PTPDC1: variants seen among roughly 807,000 people sequenced by gnomAD.
PTPDC1 encodes protein tyrosine phosphatase domain containing 1, also known as protein tyrosine phosphatase domain-containing protein 1.
Under a neutral mutation model 75.3 loss-of-function variants are expected in PTPDC1, and 53 were observed. The observed-to-expected ratio is 0.70, with a 90% confidence interval of 0.56 to 0.88. The LOEUF is 0.88. PTPDC1 is among the 40% of genes least tolerant of loss of function. The pLI is 0.00. For synonymous variants in PTPDC1, 349 were observed against 366.2 expected (o/e 0.95, Z 0.54); for missense variants, 925 against 998.6 (o/e 0.93, Z 0.99).
chr9:94,054,409 G>A (rs1825872665), intron 1 of PTPDC1, among the ~76,000 whole-genome samples: 1 of 150,774 alleles, frequency 6.6e-6, no homozygotes. Flanking sequence ...TAGGTACTAA[G>A]TCTCAGAGAT....
rs367603230 is a variant in PTPDC1 at position 94,098,612 on chromosome 9, G to C, written c.2013+33G>C. ...TAGTACTTAATTTAATTATAGATATGTGGGAAATATTTATGTCAGGGCAAA... is the reference window on the plus strand; with the variant it reads ...TAGTACTTAATTTAATTATAGATATCTGGGAAATATTTATGTCAGGGCAAA... On this transcript the variant is annotated intron_variant, in intron 6 of 8. Coordinates refer to ENST00000620992, the MANE Select transcript of PTPDC1 (RefSeq NM_001253829.2). The C allele has an allele frequency of 2.6e-6, 4 of 1,533,048 alleles. No individual in the cohort carries two copies. The Admixed American group carries it at 5.0e-5, about 19-fold the overall frequency. The allele number at this position is 1,533,048 out of a possible 1,614,324, so 95.0% of individuals were successfully genotyped here. A position where few individuals can be genotyped will look rare whatever the true frequency, so the allele number is the denominator to read the frequency against.
chr9:94,094,860 C>T (rs1827492307), intron 4 of PTPDC1, among the ~76,000 whole-genome samples: 2 of 152,252 alleles, frequency 1.3e-5, no homozygotes, highest in Admixed American at 1.3e-4. Flanking sequence ...TCCATCACCC[C>T]TTTCTTTGAC....
intron 2 of PTPDC1, among the ~76,000 whole-genome samples, chr9:94,076,156 G>A (rs1247735889): frequency 1.3e-5 from 2 of 151,946 alleles, no homozygotes; most frequent in Non-Finnish European, 2.9e-5. Flanking sequence ...GCATGCTACC[G>A]CACCCAGCTA....
At chr9:94,083,623 A>G (rs995148892), upstream of PTPDC1, among the ~76,000 whole-genome samples, 3 of 152,204 alleles carry the variant, frequency 2.0e-5, no homozygotes, top group African/African-American at 7.2e-5. Context: ...TGGTTGTTGC[A>G]CTTTCTGTTT....
chr9:94,037,448 T>C (rs1372031165), intron 1 of PTPDC1, among the ~76,000 whole-genome samples: 2 of 152,200 alleles, frequency 1.3e-5, no homozygotes, highest in African/African-American at 4.8e-5. Flanking sequence ...TTTTCCAGTC[T>C]TTTATATGTG....
At chr9:94,037,187 C>A (rs1825297544) in intron 1 of PTPDC1, among the ~76,000 whole-genome samples, 1 of 152,130 alleles carries the variant, frequency 6.6e-6, no homozygotes, top group Non-Finnish European at 1.5e-5. Flanking sequence ...GGAAAAGATT[C>A]TAGGAATTTA....
chr9:94,087,159 T>C (rs373727571), intron 2 of PTPDC1, among the ~76,000 whole-genome samples: 5 of 152,206 alleles, frequency 3.3e-5, no homozygotes, highest in African/African-American at 1.2e-4. Context: ...GTTTTCTCCA[T>C]CATGTCCACT....
intron 1 of PTPDC1, among the ~76,000 whole-genome samples, chr9:94,046,033 G>A (rs1417276500): frequency 5.9e-5 from 9 of 152,144 alleles, no homozygotes; most frequent in Non-Finnish European, 7.3e-5. Flanking sequence ...AAGTTGTAAG[G>A]AAGGGATCCA....
chr9:94,087,954 GTTT>G, intron 3 of PTPDC1, 43 bp downstream of exon 3: 1 of 1,558,764 alleles, frequency 6.4e-7, no homozygotes, highest in Non-Finnish European at 8.8e-7. Flanking sequence ...AAACTCATGT[GTTT>G]TTTTCTTTCA....
At position 94,108,949 on chromosome 9, in the gene PTPDC1, G is replaced by A. The variant is rs1466522485; in HGVS notation, c.*1005G>A. On this transcript the variant is annotated 3_prime_UTR_variant, in exon 9 of 9. Transcript: ENST00000620992. ...CACTGTTTGTACTGATGGTGTATTA[G>A]CATGAGCAGCGTGGCCCTGGCCCCA... is the stretch of plus-strand genomic sequence containing the variant. The A allele has an allele frequency of 1.3e-5, 2 of 152,306 alleles. No homozygotes were observed. Among genetic ancestry groups the A allele is most frequent in the Non-Finnish European group, 2.9e-5 (2 of 68,118 alleles). 9.4% of individuals were successfully genotyped at this position (152,306 alleles called of 1,614,324 possible).
At chr9:94,079,610 A>C (rs1177732087), upstream of PTPDC1, among the ~76,000 whole-genome samples, 5 of 152,218 alleles carry the variant, frequency 3.3e-5, no homozygotes, top group Non-Finnish European at 1.5e-5. Context: ...GGTTACTCTT[A>C]TTAATAACTG....
chr9:94,095,812 T>A (rs1429916371), intron 5 of PTPDC1, among the ~76,000 whole-genome samples: 2 of 152,030 alleles, frequency 1.3e-5, no homozygotes, highest in Non-Finnish European at 2.9e-5. Flanking sequence ...AAAAATTAAA[T>A]CAAAAAAAAT....
chr9:94,038,465 G>T (rs535655953), intron 1 of PTPDC1: 2 of 294,094 alleles, frequency 6.8e-6, no homozygotes, highest in East Asian at 1.6e-4. Context: ...ATTTTATTGG[G>T]CCGTCCTGAT....
chr9:94,032,725 C>T (rs1186553012), intron 1 of PTPDC1, among the ~76,000 whole-genome samples: 4 of 152,092 alleles, frequency 2.6e-5, no homozygotes, highest in African/African-American at 7.2e-5. Flanking sequence ...CTCACTCTGT[C>T]GCCCAGTCTG....
In PTPDC1 at chr9:94,098,243, A is replaced by C. The variant is rs779788465; in HGVS notation, c.1677A>C (p.Ser559=). The C allele has an allele frequency of 6.2e-7, 1 of 1,614,158 alleles. No homozygotes were observed. The highest frequency in any genetic ancestry group is 2.2e-5 in the East Asian group (1 of 44,870). The part of the protein sequence containing the change: ...SGSHSPGEPV[S]PSFANVHKDP... ...CACACAGCCCTGGGGAGCCAGTTTC[A>C]CCCAGCTTTGCAAATGTCCATAAGG... Residue 559 remains serine (S), a synonymous_variant, in exon 6 of 9, where the codon TCA becomes TCC. Coordinates refer to ENST00000620992, the MANE Select transcript of PTPDC1 (RefSeq NM_001253829.2).
chr9:94,032,044 C>T (rs6479524), intron 1 of PTPDC1, among the ~76,000 whole-genome samples: 3,776 of 152,254 alleles, frequency 0.025, 152 homozygotes, highest in African/African-American at 0.086. Context: ...AGTGTCGTTT[C>T]ATTTACTGTG....
chr9:94,099,706 C>T (rs1232281956), intron 6 of PTPDC1, among the ~76,000 whole-genome samples: 1 of 152,188 alleles, frequency 6.6e-6, no homozygotes, highest in Non-Finnish European at 1.5e-5. Flanking sequence ...CAAATATTTC[C>T]TGGGCATTAC....
intron 1 of PTPDC1, among the ~76,000 whole-genome samples, chr9:94,034,783 CAAT>C (rs1825209497): frequency 6.6e-6 from 1 of 151,776 alleles, no homozygotes; most frequent in Non-Finnish European, 1.5e-5. Context: ...ATTGTGCCCC[CAAT>C]AATCTTTCTC....
intron 1 of PTPDC1, among the ~76,000 whole-genome samples, chr9:94,049,381 C>T (rs548445971): frequency 7.6e-4 from 116 of 152,256 alleles, no homozygotes; most frequent in African/African-American, 2.6e-3. Context: ...TTAGTGCTTC[C>T]TTCAGGAGCT....
Sources: allele counts gnomAD v4.1 joint callset (sites outside exome capture counted in the v4.1 genomes callset), GRCh38; gene constraint gnomAD v4.1.1; transcripts MANE v1.5; gene names NCBI Gene and HGNC (gene_info 2026-07-23, HGNC 2026-07-21).